ST8SIA1: variants seen among roughly 807,000 people sequenced by gnomAD.
ST8SIA1 encodes ST8 alpha-N-acetyl-neuraminide alpha-2,8-sialyltransferase 1, also known as alpha-N-acetylneuraminide alpha-2,8-sialyltransferase.
Under a neutral mutation model 35.9 loss-of-function variants are expected in ST8SIA1, and 16 were observed. The ratio of observed to expected loss-of-function variants is 0.45; its 90% CI spans 0.30 to 0.68. ST8SIA1 has a LOEUF of 0.68. Ranked by LOEUF, ST8SIA1 falls within the 30% of genes least tolerant of loss-of-function variation. The pLI, the probability that ST8SIA1 is intolerant of heterozygous loss-of-function variation, is 0.09. For missense variants in ST8SIA1, 383 were observed against 453.6 expected, an observed-to-expected ratio of 0.84 and a Z score of 1.41; for synonymous variants, 170 against 169.6, an observed-to-expected ratio of 1.00 and a Z score of -0.02.
At chr12:22,295,487 C>T (rs1866232981) in intron 1 of ST8SIA1, among the ~76,000 whole-genome samples, 1 of 152,150 alleles carries the variant, frequency 6.6e-6, no homozygotes, top group Admixed American at 6.5e-5. Context: ...AATCCCAGCA[C>T]TTTAGGAAGC....
chr12:22,300,293 T>C (rs974954404), intron 1 of ST8SIA1, among the ~76,000 whole-genome samples: 2 of 152,114 alleles, frequency 1.3e-5, no homozygotes, highest in Non-Finnish European at 2.9e-5. Flanking sequence ...AGGCCAGAAA[T>C]TAAAGCTATT....
At chr12:22,299,605 G>T (rs1371665655) in intron 1 of ST8SIA1, among the ~76,000 whole-genome samples, 5 of 152,050 alleles carry the variant, frequency 3.3e-5, no homozygotes, top group Non-Finnish European at 7.4e-5. Context: ...TATAATTAAA[G>T]GGAAATTATA....
At chr12:22,329,980 T>A (rs758201380) in intron 1 of ST8SIA1, among the ~76,000 whole-genome samples, 1 of 152,218 alleles carries the variant, frequency 6.6e-6, no homozygotes, top group Admixed American at 6.5e-5. Context: ...ATACCTTAAA[T>A]ACATTCAAAG....
chr12:22,230,403 T>G (rs780062659), intron 4 of ST8SIA1, among the ~76,000 whole-genome samples: 4 of 152,072 alleles, frequency 2.6e-5, no homozygotes, highest in Non-Finnish European at 5.9e-5. Flanking sequence ...TCCCATTAGT[T>G]CTCCAAAAGC....
At chr12:22,324,916 A>G (rs1866655505) in intron 1 of ST8SIA1, 1 of 152,140 alleles carries the variant, frequency 6.6e-6, no homozygotes, top group African/African-American at 2.4e-5. Context: ...AAGTTTATAA[A>G]TTAAAAGTTA....
chr12:22,300,989 T>C (rs1415911130), intron 1 of ST8SIA1, among the ~76,000 whole-genome samples: 2 of 152,152 alleles, frequency 1.3e-5, no homozygotes, highest in Admixed American at 6.6e-5. Flanking sequence ...TGTTCCAAAA[T>C]TATGAGACAC....
At chr12:22,210,177 G>A (rs1263397553) in intron 4 of ST8SIA1, among the ~76,000 whole-genome samples, 1 of 152,008 alleles carries the variant, frequency 6.6e-6, no homozygotes, top group Non-Finnish European at 1.5e-5. Context: ...AGAAGTTGCA[G>A]AATTACGACT....
intron 4 of ST8SIA1, among the ~76,000 whole-genome samples, chr12:22,247,121 C>T (rs1436290126): frequency 6.8e-6 from 1 of 147,632 alleles, no homozygotes; most frequent in African/African-American, 2.5e-5. Flanking sequence ...TCTTTCCCTC[C>T]CTCCCTCATT....
chr12:22,219,693 G>A lies in ST8SIA1; in HGVS notation c.585-17655C>T, dbSNP rs531239914. Reference sequence around the variant, plus strand: ...TTACAGGATCTTTAAAGCAGCTAGAGAGTGTATTTGCTAGTTCTGGGAAAG... The same window carrying A: ...TTACAGGATCTTTAAAGCAGCTAGAAAGTGTATTTGCTAGTTCTGGGAAAG... On this transcript the variant is annotated intron_variant, in intron 4 of 4. Transcript: ENST00000396037. 9.2e-5 allele frequency among the ~76,000 whole-genome samples: 14 copies of A among 152,270 alleles called. No individual in the cohort carries two copies. The South Asian group carries it at 2.9e-3, about 32-fold the overall frequency.
chr12:22,278,931 A>C (rs569183251), intron 2 of ST8SIA1, among the ~76,000 whole-genome samples: 1 of 152,216 alleles, frequency 6.6e-6, no homozygotes, highest in African/African-American at 2.4e-5. Flanking sequence ...TTATCCACTT[A>C]CCTATTTTTC....
intron 4 of ST8SIA1, among the ~76,000 whole-genome samples, chr12:22,243,062 C>A (rs1865558096): frequency 6.6e-6 from 1 of 152,116 alleles, no homozygotes; most frequent in Admixed American, 6.5e-5. Flanking sequence ...TAAGTATTGC[C>A]TTCTCTAACT....
chr12:22,279,831 G>A (rs749345724), intron 2 of ST8SIA1, among the ~76,000 whole-genome samples: 1 of 152,084 alleles, frequency 6.6e-6, no homozygotes, highest in Non-Finnish European at 1.5e-5. Flanking sequence ...CTTCAGGGTC[G>A]GTCTCTTCAA....
At chr12:22,277,185 T>C (rs913239085) in intron 2 of ST8SIA1, among the ~76,000 whole-genome samples, 1 of 152,134 alleles carries the variant, frequency 6.6e-6, no homozygotes, top group Non-Finnish European at 1.5e-5. Flanking sequence ...TTGTCCTTCA[T>C]GAGTTTTCTC....
intron 2 of ST8SIA1, among the ~76,000 whole-genome samples, chr12:22,272,529 C>T (rs1290845382): frequency 6.6e-6 from 1 of 152,214 alleles, no homozygotes; most frequent in Non-Finnish European, 1.5e-5. Flanking sequence ...CATATTGGCT[C>T]CACGGCGCTA....
intron 1 of ST8SIA1, among the ~76,000 whole-genome samples, chr12:22,315,908 AC>A: frequency 6.6e-6 from 1 of 152,178 alleles, no homozygotes; most frequent in African/African-American, 2.4e-5. Context: ...GTTGATAGGT[AC>A]AGCAAACCAC....
chr12:22,322,010 C>T (rs890957954), intron 1 of ST8SIA1, among the ~76,000 whole-genome samples: 2 of 152,226 alleles, frequency 1.3e-5, no homozygotes, highest in Non-Finnish European at 1.5e-5. Context: ...TTTTAAAGTG[C>T]TTTTCCTCTC....
At chr12:22,237,615 A>T (rs1865490221) in intron 4 of ST8SIA1, among the ~76,000 whole-genome samples, 2 of 151,700 alleles carry the variant, frequency 1.3e-5, no homozygotes, top group African/African-American at 4.8e-5. Flanking sequence ...AATCCATAAT[A>T]TCTTTGTATA....
intron 1 of ST8SIA1, among the ~76,000 whole-genome samples, chr12:22,333,634 T>A (rs1232606458): frequency 6.6e-6 from 1 of 152,256 alleles, no homozygotes. Flanking sequence ...GCTTCAAATG[T>A]CTGCAGAGCC....
intron 2 of ST8SIA1, among the ~76,000 whole-genome samples, chr12:22,274,706 C>T (rs1340347187): frequency 2.0e-5 from 3 of 152,214 alleles, no homozygotes; most frequent in Admixed American, 6.5e-5. Flanking sequence ...CTATCGTGAG[C>T]ATCCAGGACC....
Sources: gnomAD v4.1 joint callset for allele counts (sites outside exome capture counted in the v4.1 genomes callset) on GRCh38, gnomAD v4.1.1 for gene constraint, MANE v1.5 for transcripts, NCBI Gene and HGNC (gene_info 2026-07-23, HGNC 2026-07-21) for gene names.